CD163L1: variants seen among roughly 807,000 people sequenced by gnomAD.
CD163L1 encodes CD163 molecule like 1.
Under a neutral mutation model 165.4 loss-of-function variants are expected in CD163L1, and 124 were observed. The ratio of observed to expected loss-of-function variants is 0.75; its 90% CI spans 0.65 to 0.87. CD163L1 has a LOEUF of 0.87. Among genes scored for constraint, CD163L1 ranks in the 40% least tolerant of loss-of-function variants. The pLI, the probability that CD163L1 is intolerant of heterozygous loss-of-function variation, is 0.00. For synonymous variants in CD163L1, 585 were observed against 662.2 expected, an observed-to-expected ratio of 0.88 and a Z score of 1.79; for missense variants, 1,525 against 1,799.9, an observed-to-expected ratio of 0.85 and a Z score of 2.76.
At position 7,368,986 on chromosome 12, in the gene CD163L1, G is replaced by A; in HGVS notation, c.4040-21C>T. The A allele has an allele frequency of 6.2e-7, 1 of 1,612,694 alleles. No individual in the cohort carries two copies. ...CTGTCCTGAGAGAGAGAGAGAGAGA[G>A]AGAGACGTAAATGAACGAAAAGGAA... On this transcript the variant is annotated intron_variant, in intron 15 of 19. Transcript: ENST00000313599. The surrounding 1 kb of genome is among the most constrained non-coding windows in gnomAD (Gnocchi z 4.3).
intron 5 of CD163L1, among the ~76,000 whole-genome samples, chr12:7,404,644 T>C (rs992086998): frequency 1.1e-4 from 17 of 152,208 alleles, no homozygotes; most frequent in African/African-American, 4.1e-4. Flanking sequence ...TCTCCTCCCA[T>C]TATTCAAGCT....
At chr12:7,333,896 T>C in the CD163L1 span, among the ~76,000 whole-genome samples, 1 of 151,970 alleles carries the variant, frequency 6.6e-6, no homozygotes, top group Non-Finnish European at 1.5e-5. Context: ...CTAGAAGAAA[T>C]GGATAAATTC....
chr12:7,378,070 C>G (rs747482027), intron 9 of CD163L1, among the ~76,000 whole-genome samples: 1 of 152,230 alleles, frequency 6.6e-6, no homozygotes, highest in South Asian at 2.1e-4. Context: ...ATCATCCCAC[C>G]CTCTCTAAAC....
At chr12:7,349,445 A>G (rs758797479) in intron 4 of CD163L1, among the ~76,000 whole-genome samples, 1 of 152,332 alleles carries the variant, frequency 6.6e-6, no homozygotes, top group East Asian at 1.9e-4. Flanking sequence ...CTCAATAAAA[A>G]GATTGTTTTT....
At chr12:7,405,277 T>C (rs1263268259) in intron 5 of CD163L1, among the ~76,000 whole-genome samples, 1 of 152,140 alleles carries the variant, frequency 6.6e-6, no homozygotes, top group Non-Finnish European at 1.5e-5. Context: ...ATTCTCTCTG[T>C]TTCCTTCCCC....
intron 4 of CD163L1, among the ~76,000 whole-genome samples, chr12:7,411,086 AAAC>A (rs1038074126): frequency 1.3e-5 from 2 of 151,928 alleles, no homozygotes; most frequent in African/African-American, 2.4e-5. Context: ...AATTAAATAA[AAAC>A]AACAATTCTC....
intron 1 of CD163L1, among the ~76,000 whole-genome samples, chr12:7,443,217 C>T (rs1948852150): frequency 6.6e-6 from 1 of 152,130 alleles, no homozygotes; most frequent in Non-Finnish European, 1.5e-5. Flanking sequence ...TAGAAATGTG[C>T]TGGTCTTTAG....
chr12:7,391,457 A>G (rs1163918528), intron 8 of CD163L1, among the ~76,000 whole-genome samples: 2 of 152,188 alleles, frequency 1.3e-5, no homozygotes, highest in Non-Finnish European at 2.9e-5. Flanking sequence ...CATGGCAAGA[A>G]AGCTTAAAAA....
intron 14 of CD163L1, among the ~76,000 whole-genome samples, chr12:7,370,962 G>A (rs938920613): frequency 2.6e-5 from 4 of 152,272 alleles, no homozygotes; most frequent in African/African-American, 4.8e-5. Context: ...TTGTGGGGGG[G>A]ACCTGGTGGG....
At chr12:7,440,358 C>A (rs1293470438) in intron 2 of CD163L1, among the ~76,000 whole-genome samples, 2 of 151,438 alleles carry the variant, frequency 1.3e-5, no homozygotes, top group Non-Finnish European at 3.0e-5. Flanking sequence ...CCGCCATCCC[C>A]CCACCGCCGC....
the CD163L1 span, among the ~76,000 whole-genome samples, chr12:7,329,212 G>T: frequency 1.4e-5 from 2 of 147,298 alleles, no homozygotes; most frequent in Non-Finnish European, 3.0e-5. Flanking sequence ...TTACTAAGAG[G>T]CCAAAAGAAA....
intron 4 of CD163L1, among the ~76,000 whole-genome samples, chr12:7,422,108 T>C (rs117452821): frequency 1.3e-5 from 2 of 152,078 alleles, no homozygotes; most frequent in East Asian, 3.9e-4. Context: ...GCAGCAATAT[T>C]TGCCGTTCTG....
intron 4 of CD163L1, among the ~76,000 whole-genome samples, chr12:7,420,173 G>C (rs1017145140): frequency 6.6e-6 from 1 of 152,026 alleles, no homozygotes; most frequent in Non-Finnish European, 1.5e-5. Flanking sequence ...AGTGAAAACG[G>C]ATCCTCATCT....
At position 7,347,930 on chromosome 12, in the gene CD163L1, CAT is replaced by C. The variant is rs1707828374; in HGVS notation, c.*25-785_*25-784del. ...TTATTGAGTTTCCACATGAGCTTCA[CAT>C]GTCATTCAAATGTCCACAAACCCAC... On this transcript the variant is annotated intron_variant, in intron 4 of 4. Coordinates refer to the CD163L1 transcript ENST00000539726. The surrounding 1 kb of genome is among the most constrained non-coding windows in gnomAD (Gnocchi z 4.2). Among the ~76,000 whole-genome samples, 1 of 152,172 alleles carries C rather than the reference CAT, an allele frequency of 6.6e-6. No homozygotes were observed. The highest frequency in any genetic ancestry group is 2.4e-5 in the African/African-American group (1 of 41,438).
At chr12:7,365,758 T>A (rs1947003812) in intron 18 of CD163L1, among the ~76,000 whole-genome samples, 1 of 151,902 alleles carries the variant, frequency 6.6e-6, no homozygotes, top group African/African-American at 2.4e-5. Context: ...AGACAGGAAA[T>A]AATGGATGCT....
At chr12:7,337,252 A>T in the CD163L1 span, among the ~76,000 whole-genome samples, 4 of 152,170 alleles carry the variant, frequency 2.6e-5, no homozygotes, top group African/African-American at 9.6e-5. Context: ...TCAGGACATA[A>T]GCACGGGCAA....
At chr12:7,390,960 T>C (rs746655520) in intron 8 of CD163L1, among the ~76,000 whole-genome samples, 1 of 152,232 alleles carries the variant, frequency 6.6e-6, no homozygotes, top group South Asian at 2.1e-4. Context: ...TAAAATTATA[T>C]AAAGGATGGC....
the CD163L1 span, among the ~76,000 whole-genome samples, chr12:7,328,880 T>C: frequency 1.3e-5 from 2 of 150,984 alleles, no homozygotes; most frequent in African/African-American, 2.4e-5. Flanking sequence ...AACTGTAAAA[T>C]ATCTGAATGT....
intron 4 of CD163L1, among the ~76,000 whole-genome samples, chr12:7,423,361 C>T (rs1252466631): frequency 6.6e-6 from 1 of 152,048 alleles, no homozygotes; most frequent in Admixed American, 6.6e-5. Flanking sequence ...GCATTAAATG[C>T]CCACATCAGA....
Sources: allele counts gnomAD v4.1 joint callset (sites outside exome capture counted in the v4.1 genomes callset), GRCh38; gene constraint gnomAD v4.1.1; non-coding constraint Gnocchi (gnomAD v3.1); transcripts MANE v1.5; gene names NCBI Gene and HGNC (gene_info 2026-07-23, HGNC 2026-07-21).